Variants in HEATR5A observed in about 807,000 individuals in gnomAD.
HEATR5A encodes HEAT repeat containing 5A.
A neutral mutation model predicts 218.8 loss-of-function variants in HEATR5A; 178 were observed. The observed-to-expected ratio is 0.81, with a 90% CI of 0.72 to 0.92. The LOEUF (loss-of-function observed/expected upper bound fraction) is 0.92, where lower values mean the gene tolerates loss of function less well. HEATR5A is among the 40% of genes least tolerant of loss of function. The pLI is 0.00. For synonymous variants in HEATR5A, 864 were observed against 871.6 expected (o/e 0.99, Z 0.15); for missense variants, 2,420 against 2,418.9 (o/e 1.00, Z -0.01).
At chr14:31,329,094 G>A (rs912138085) in intron 22 of HEATR5A, among the ~76,000 whole-genome samples, 6 of 152,058 alleles carry the variant, frequency 3.9e-5, no homozygotes, top group Non-Finnish European at 8.8e-5. Flanking sequence ...GAACAGCATG[G>A]GGGAAACTGT....
intron 1 of HEATR5A, among the ~76,000 whole-genome samples, chr14:31,419,628 T>C (rs1231350325): frequency 2.6e-5 from 4 of 152,222 alleles, no homozygotes; most frequent in South Asian, 4.1e-4. Context: ...ATAAAAACAA[T>C]GGATAACTAT....
intron 16 of HEATR5A, among the ~76,000 whole-genome samples, chr14:31,355,695 G>A (rs1326516147): frequency 6.6e-6 from 1 of 152,106 alleles, no homozygotes; most frequent in Non-Finnish European, 1.5e-5. Flanking sequence ...CCGCACTCCA[G>A]CCTGGGCTGT....
rs77605025 is a variant in HEATR5A at position 31,311,759 on chromosome 14, G to A, written c.4441+1209C>T. Among the ~76,000 whole-genome samples the A allele has an allele frequency of 7.9e-3, 1,208 of 152,164 alleles. 14 individuals carry two copies. The highest frequency in any genetic ancestry group is 0.027 in the African/African-American group (1,141 of 41,536). On this transcript the variant is annotated intron_variant, in intron 28 of 35. Coordinates refer to ENST00000543095, the MANE Select transcript of HEATR5A (RefSeq NM_015473.4). ...TGATGCTGCAAAAGAAACAGCACTC[G>A]GATATAATTTTAATTTCCTCAGCAA...
At chr14:31,325,664 AG>A (rs1259513405) in intron 23 of HEATR5A, among the ~76,000 whole-genome samples, 1 of 151,868 alleles carries the variant, frequency 6.6e-6, no homozygotes, top group Non-Finnish European at 1.5e-5. Flanking sequence ...GTGAGCCACC[AG>A]GCCCAGCTAA....
intron 21 of HEATR5A, among the ~76,000 whole-genome samples, chr14:31,342,929 G>C (rs1900885534): frequency 6.6e-6 from 1 of 152,102 alleles, no homozygotes; most frequent in South Asian, 2.1e-4. Flanking sequence ...GAAAATGAAA[G>C]GTCTATATAA....
chr14:31,392,242 C>A (rs771973587), intron 6 of HEATR5A, among the ~76,000 whole-genome samples: 27 of 152,008 alleles, frequency 1.8e-4, no homozygotes, highest in Non-Finnish European at 1.9e-4. Flanking sequence ...AACATGTGCA[C>A]AATGTAAGTC....
intron 2 of HEATR5A, 30 bp downstream of exon 2, chr14:31,402,820 C>CA (rs940582547): frequency 1.9e-4 from 291 of 1,533,970 alleles, no homozygotes; most frequent in Non-Finnish European, 2.4e-4. Flanking sequence ...GGCACTTAAA[C>CA]AAAAAAACAG....
Position 31,394,138 on chromosome 14 carries a change from C to A in HEATR5A, c.686G>T (p.Gly229Val). ...VATLCFKSFE[G>V]SNYDVRISVS... is the part of the protein sequence containing the mutation. ...AGAAATCCGCACATCATAATTGGAACCTTCAAAGGACTTAAAACACAGTGT... is the reference window on the plus strand; with the variant it reads ...AGAAATCCGCACATCATAATTGGAAACTTCAAAGGACTTAAAACACAGTGT... Residue 229 changes from glycine (G) to valine (V), a missense_variant, in exon 6 of 36, where the codon GGT becomes GTT. Physicochemically the swap from Gly to Val is moderately radical, Grantham distance 109. Coordinates refer to ENST00000543095, the MANE Select transcript of HEATR5A (RefSeq NM_015473.4). 1.3e-6 allele frequency: 2 copies of A among 1,534,730 alleles called. No individual in the cohort carries two copies. Among genetic ancestry groups the A allele is most frequent in the Non-Finnish European group, 1.7e-6 (2 of 1,145,628 alleles).
intron 11 of HEATR5A, among the ~76,000 whole-genome samples, chr14:31,375,314 A>G (rs1043723309): frequency 6.6e-6 from 1 of 152,194 alleles, no homozygotes; most frequent in African/African-American, 2.4e-5. Context: ...CAAATGATAG[A>G]ATGCACTTTA....
intron 26 of HEATR5A, among the ~76,000 whole-genome samples, chr14:31,316,702 T>A (rs1899923798): frequency 6.6e-6 from 1 of 152,222 alleles, no homozygotes; most frequent in Non-Finnish European, 1.5e-5. Context: ...TATTTCTCTC[T>A]CGTTTTTTGG....
chr14:31,316,024 C>A, intron 26 of HEATR5A, 75 bp from the exon 27 acceptor site: 1 of 1,203,330 alleles, frequency 8.3e-7, no homozygotes, highest in Non-Finnish European at 1.1e-6. Context: ...TGGCTCATGC[C>A]TGTAATCCCA....
At chr14:31,310,197 T>C (rs756767781) in intron 28 of HEATR5A, among the ~76,000 whole-genome samples, 1 of 150,852 alleles carries the variant, frequency 6.6e-6, no homozygotes, top group East Asian at 1.9e-4. Context: ...TCATACTGTA[T>C]GTATCCTTTT....
At chr14:31,315,399 TA>T (rs1006169757) in intron 27 of HEATR5A, among the ~76,000 whole-genome samples, 1 of 152,196 alleles carries the variant, frequency 6.6e-6, no homozygotes, top group African/African-American at 2.4e-5. Context: ...AACGACTACT[TA>T]CTATTCAAAA....
Position 31,313,115 on chromosome 14 carries a change from T to C in HEATR5A, c.4294A>G (p.Ile1432Val). ...LKTTTCLEDGIRNGSCSSDGL... is the reference protein window; with the variant it reads ...LKTTTCLEDGVRNGSCSSDGL... ...TCTGATGAACATGATCCATTTCTGA[T>C]ACCGTCTTCTAAACAGGTGGTAGTC... The change falls in exon 28 of 36, where the codon ATC (isoleucine) becomes GTC (valine). Residue 1432 changes from isoleucine to valine, a missense_variant. Physicochemically the swap from Ile to Val is conservative, Grantham distance 29. Coordinates refer to ENST00000543095, the MANE Select transcript of HEATR5A (RefSeq NM_015473.4). The C allele has an allele frequency of 1.2e-6, 2 of 1,613,934 alleles. No individual in the cohort carries two copies. The highest frequency in any genetic ancestry group is 2.2e-5 in the East Asian group (1 of 44,878).
intron 21 of HEATR5A, among the ~76,000 whole-genome samples, chr14:31,340,217 G>A (rs1900796546): frequency 6.6e-6 from 1 of 152,086 alleles, no homozygotes; most frequent in African/African-American, 2.4e-5. Context: ...ATAAAAATGA[G>A]ACCAAATTTA....
In HEATR5A at chr14:31,358,762, A is replaced by G; in HGVS notation, c.2286T>C (p.Tyr762=). 1 of 1,613,950 alleles carries G rather than the reference A, an allele frequency of 6.2e-7. No homozygotes were observed. Among genetic ancestry groups the G allele is most frequent in the East Asian group, 2.2e-5 (1 of 44,874 alleles). ...VACGSLEYDP[Y]SIYEKDVEGD... ...CCTCTACATCTTTCTCATAAATCGA[A>G]TAAGGGTCATATTCAAGACTTCCGC... Residue 762 remains tyrosine (Y), a synonymous_variant, in exon 16 of 36, where the codon TAT becomes TAC. Coordinates refer to ENST00000543095, the MANE Select transcript of HEATR5A (RefSeq NM_015473.4).
At position 31,301,775 on chromosome 14, in the gene HEATR5A, G is replaced by C. The variant is rs933355525; in HGVS notation, c.5464+520C>G. On this transcript the variant is annotated intron_variant, in intron 33 of 35. Transcript: ENST00000543095. ...CCCAAAGTGCTGGGATTGTAGACGT[G>C]AGCCACCGTGCCTGGCCCCAGAACA... Among the ~76,000 whole-genome samples the C allele has an allele frequency of 3.3e-5, 5 of 150,200 alleles. No homozygotes were observed. The East Asian group carries it at 5.9e-4, about 18-fold the overall frequency.
intron 26 of HEATR5A, among the ~76,000 whole-genome samples, chr14:31,316,280 C>T (rs1021115266): frequency 6.6e-6 from 1 of 151,512 alleles, no homozygotes; most frequent in Non-Finnish European, 1.5e-5. Context: ...AGAGTGAGAC[C>T]CCATCTCTTA....
chr14:31,390,595 A>T (rs1296144892), intron 6 of HEATR5A, among the ~76,000 whole-genome samples: 3 of 152,226 alleles, frequency 2.0e-5, no homozygotes, highest in Non-Finnish European at 4.4e-5. Flanking sequence ...ATTTTCTTCA[A>T]TGACAGAGAT....
Sources: gnomAD v4.1 joint callset for allele counts (sites outside exome capture counted in the v4.1 genomes callset) on GRCh38, gnomAD v4.1.1 for gene constraint, MANE v1.5 for transcripts, NCBI Gene and HGNC (gene_info 2026-07-23, HGNC 2026-07-21) for gene names.